Variants in SCFD2 observed in about 807,000 individuals in gnomAD.
SCFD2 encodes sec1 family domain-containing protein 2.
SCFD2 carries 54 observed loss-of-function variants against 58.9 expected under a neutral mutation model. The observed-to-expected ratio is 0.92, with a 90% CI of 0.74 to 1.15. The LOEUF is 1.15. SCFD2 is among the 50% of genes most tolerant of loss of function. The probability of loss-of-function intolerance (pLI) is 0.00; values close to 1 mark genes in which losing one functional copy is unlikely to be tolerated. For missense variants in SCFD2, 805 were observed against 836.6 expected (o/e 0.96, Z 0.47); for synonymous variants, 321 against 335.9 (o/e 0.96, Z 0.49).
intron 2 of SCFD2, among the ~76,000 whole-genome samples, chr4:53,343,126 G>C (rs1390677427): frequency 6.6e-6 from 1 of 151,604 alleles, no homozygotes; most frequent in Non-Finnish European, 1.5e-5. Flanking sequence ...AACTGAAGGA[G>C]ACAGAGACAC....
chr4:53,240,242 G>C (rs1264272733), intron 4 of SCFD2, among the ~76,000 whole-genome samples: 1 of 152,128 alleles, frequency 6.6e-6, no homozygotes, highest in Non-Finnish European at 1.5e-5. Flanking sequence ...CCATTTCATT[G>C]ATCTAAGACT....
At chr4:52,953,288 A>C (rs1201440508) in intron 5 of SCFD2, among the ~76,000 whole-genome samples, 1 of 152,218 alleles carries the variant, frequency 6.6e-6, no homozygotes, top group Non-Finnish European at 1.5e-5. Flanking sequence ...TAACTAGGTT[A>C]GTTTGCTTTA....
chr4:52,902,457 C>T (rs1340359020), intron 7 of SCFD2, among the ~76,000 whole-genome samples: 1 of 152,184 alleles, frequency 6.6e-6, no homozygotes, highest in African/African-American at 2.4e-5. Flanking sequence ...GTGACTTCTT[C>T]TTTGGGGGGC....
At chr4:53,173,977 T>A (rs994560183) in intron 4 of SCFD2, among the ~76,000 whole-genome samples, 1 of 152,080 alleles carries the variant, frequency 6.6e-6, no homozygotes, top group Non-Finnish European at 1.5e-5. Context: ...AAATAAAAGA[T>A]GAAAGCAAAA....
chr4:53,062,355 G>A, intron 5 of SCFD2, among the ~76,000 whole-genome samples: 1 of 151,086 alleles, frequency 6.6e-6, no homozygotes, highest in East Asian at 1.9e-4. Context: ...CTGGGCTACA[G>A]AGACTCCGTC....
At chr4:53,341,073 C>T (rs956755162) in intron 2 of SCFD2, among the ~76,000 whole-genome samples, 5 of 152,192 alleles carry the variant, frequency 3.3e-5, no homozygotes, top group Non-Finnish European at 7.3e-5. Flanking sequence ...CAAAGGAACA[C>T]AGCTCCTCGT....
intron 5 of SCFD2, among the ~76,000 whole-genome samples, chr4:52,976,746 G>T (rs1327725901): frequency 6.6e-6 from 1 of 152,104 alleles, no homozygotes; most frequent in East Asian, 1.9e-4. Flanking sequence ...CCATTCAAAG[G>T]TGAGTAAGCC....
chr4:53,149,779 T>G (rs989346262), intron 4 of SCFD2, among the ~76,000 whole-genome samples: 8 of 152,120 alleles, frequency 5.3e-5, no homozygotes, highest in Non-Finnish European at 7.4e-5. Context: ...CCAGAACCCA[T>G]AACCCTAGTC....
intron 4 of SCFD2, among the ~76,000 whole-genome samples, chr4:53,199,453 A>C (rs2148965705): frequency 6.6e-6 from 1 of 152,140 alleles, no homozygotes; most frequent in East Asian, 1.9e-4. Flanking sequence ...AGCACCAAAA[A>C]CCTTTAGAAT....
At chr4:53,021,934 C>T (rs1722359469) in intron 5 of SCFD2, among the ~76,000 whole-genome samples, 1 of 152,140 alleles carries the variant, frequency 6.6e-6, no homozygotes, top group Non-Finnish European at 1.5e-5. Flanking sequence ...AGATGGAAAA[C>T]ATTACTGAGC....
intron 5 of SCFD2, among the ~76,000 whole-genome samples, chr4:53,008,811 C>G (rs536552839): frequency 6.6e-6 from 1 of 152,340 alleles, no homozygotes; most frequent in Non-Finnish European, 1.5e-5. Context: ...TAGAATGTGA[C>G]TGGCCTCAAA....
chr4:53,014,437 G>A (rs1174123608), intron 5 of SCFD2, among the ~76,000 whole-genome samples: 1 of 152,218 alleles, frequency 6.6e-6, no homozygotes, highest in African/African-American at 2.4e-5. Flanking sequence ...AGTGTGGTAT[G>A]TAACATTTAT....
At chr4:52,992,485 C>T (rs944558121) in intron 5 of SCFD2, among the ~76,000 whole-genome samples, 1 of 152,158 alleles carries the variant, frequency 6.6e-6, no homozygotes, top group Admixed American at 6.5e-5. Context: ...TGCATGGCCG[C>T]CCATCGTCTG....
chr4:52,973,618 G>C (rs1457493376), intron 5 of SCFD2, among the ~76,000 whole-genome samples: 1 of 152,174 alleles, frequency 6.6e-6, no homozygotes, highest in Non-Finnish European at 1.5e-5. Context: ...CATTCCTTCT[G>C]AAACTATTCC....
chr4:53,097,139 T>C (rs1251997827), intron 5 of SCFD2, among the ~76,000 whole-genome samples: 13 of 152,100 alleles, frequency 8.5e-5, no homozygotes, highest in Admixed American at 5.9e-4. Flanking sequence ...AGTTTGAAGT[T>C]AGGTAGCGTG....
intron 5 of SCFD2, 37 bp downstream of exon 5, chr4:53,145,296 G>C: frequency 6.2e-7 from 1 of 1,607,224 alleles, no homozygotes; most frequent in African/African-American, 1.3e-5. Context: ...TCGTGTATCA[G>C]TGATGTTTGT....
intron 1 of SCFD2, among the ~76,000 whole-genome samples, chr4:53,356,315 T>C (rs542050369): frequency 2.3e-3 from 348 of 152,336 alleles, no homozygotes; most frequent in Non-Finnish European, 3.5e-3. Context: ...ATTTCTGCCC[T>C]ATGCTATTTT....
intron 2 of SCFD2, among the ~76,000 whole-genome samples, chr4:53,328,852 G>C (rs942223467): frequency 3.3e-5 from 5 of 152,232 alleles, no homozygotes; most frequent in African/African-American, 1.2e-4. Flanking sequence ...TCTCACTAGG[G>C]AGTGCCAGAC....
chr4:53,277,260 T>C (rs1296328588), intron 3 of SCFD2, among the ~76,000 whole-genome samples: 1 of 152,186 alleles, frequency 6.6e-6, no homozygotes, highest in African/African-American at 2.4e-5. Context: ...TGCAAATGAT[T>C]AACATTTTTA....
Sources: gnomAD v4.1 joint callset for allele counts (sites outside exome capture counted in the v4.1 genomes callset) on GRCh38, gnomAD v4.1.1 for gene constraint, MANE v1.5 for transcripts, NCBI Gene and HGNC (gene_info 2026-07-23, HGNC 2026-07-21) for gene names.